GAP43: variants seen among roughly 807,000 people sequenced by gnomAD.
GAP43 encodes growth associated protein 43.
A neutral mutation model predicts 18.6 loss-of-function variants in GAP43; 6 were observed. The observed-to-expected ratio is 0.32, with a 90% CI of 0.18 to 0.64. The LOEUF (loss-of-function observed/expected upper bound fraction) is 0.64. Among genes scored for constraint, GAP43 ranks in the 30% least tolerant of loss-of-function variants. The pLI, the probability that GAP43 is intolerant of heterozygous loss-of-function variation, is 0.78. For synonymous variants in GAP43, 115 were observed against 111.4 expected, an observed-to-expected ratio of 1.03 and a Z score of -0.20; for missense variants, 292 against 295.5, an observed-to-expected ratio of 0.99 and a Z score of 0.09.
At chr3:115,657,547 T>G (rs2107478656) in intron 1 of GAP43, among the ~76,000 whole-genome samples, 1 of 152,250 alleles carries the variant, frequency 6.6e-6, no homozygotes, top group African/African-American at 2.4e-5. Context: ...CCAGATAAGG[T>G]CACTGCCCTT....
chr3:115,720,230 A>C (rs947542044), intron 2 of GAP43, among the ~76,000 whole-genome samples: 2 of 152,142 alleles, frequency 1.3e-5, no homozygotes, highest in African/African-American at 4.8e-5. Context: ...TTTGATGTCC[A>C]AGTGATCAGG....
At chr3:115,632,315 G>A (rs529701008) in intron 1 of GAP43, among the ~76,000 whole-genome samples, 1 of 152,188 alleles carries the variant, frequency 6.6e-6, no homozygotes, top group African/African-American at 2.4e-5. Context: ...CAGTTTGGTT[G>A]GGGGAAGCAC....
Position 115,650,261 on chromosome 3 carries a change from A to G in GAP43, c.31-25752A>G, listed in dbSNP as rs183736237. On this transcript the variant is annotated intron_variant, in intron 1 of 2. Transcript: ENST00000305124. ...CCTTCGCTGGGTGTATTTCTATGGT[A>G]AAGAGTGCAACTCATCCCAGCATAC... is the stretch of plus-strand genomic sequence containing the variant. Among the ~76,000 whole-genome samples, 8 of 152,302 alleles carry G rather than the reference A, an allele frequency of 5.3e-5. No homozygotes were observed. The East Asian group carries it at 1.4e-3, about 26-fold the overall frequency.
At chr3:115,631,719 C>G (rs1477546087) in intron 1 of GAP43, among the ~76,000 whole-genome samples, 1 of 152,130 alleles carries the variant, frequency 6.6e-6, no homozygotes, top group Admixed American at 6.5e-5. Flanking sequence ...CTCCCAGGTT[C>G]AAGCAATTCT....
chr3:115,629,413 T>A (rs565096234), intron 1 of GAP43, among the ~76,000 whole-genome samples: 2 of 151,780 alleles, frequency 1.3e-5, no homozygotes, highest in Admixed American at 1.3e-4. Flanking sequence ...CTGCTCTTTT[T>A]TTTTTTTTTA....
At chr3:115,645,602 A>G (rs1183347522) in intron 1 of GAP43, among the ~76,000 whole-genome samples, 1 of 104,328 alleles carries the variant, frequency 9.6e-6, no homozygotes, top group Non-Finnish European at 2.3e-5. Context: ...AAATACTAGT[A>G]TCTTGGTGGA....
Position 115,643,689 on chromosome 3 carries a change from C to T in GAP43, c.30+19970C>T, listed in dbSNP as rs183227813. On this transcript the variant is annotated intron_variant, in intron 1 of 2. Transcript: ENST00000305124. ...TCTCTCATTACCCTATGTAAAATGG[C>T]ACCCCACCCTAACACTCCTTATCTG... Among the ~76,000 whole-genome samples the T allele has an allele frequency of 4.6e-5, 7 of 152,086 alleles. No homozygotes were observed. The East Asian group carries it at 1.2e-3, about 25-fold the overall frequency.
At chr3:115,711,376 T>C (rs993786055) in intron 2 of GAP43, among the ~76,000 whole-genome samples, 1 of 152,076 alleles carries the variant, frequency 6.6e-6, no homozygotes, top group Non-Finnish European at 1.5e-5. Flanking sequence ...CCACTTGCAA[T>C]CAATTTATGG....
At chr3:115,624,154 A>G (rs949245997) in intron 1 of GAP43, among the ~76,000 whole-genome samples, 6 of 152,178 alleles carry the variant, frequency 3.9e-5, no homozygotes, top group Admixed American at 3.9e-4. Context: ...TCTCTGTCAT[A>G]CAATTTTCTC....
Position 115,716,503 on chromosome 3 carries a change from G to A in GAP43, c.629-4291G>A, listed in dbSNP as rs1709503430. Among the ~76,000 whole-genome samples, 3 of 150,980 alleles carry A rather than the reference G, an allele frequency of 2.0e-5. No individual in the cohort carries two copies. The South Asian group carries it at 6.3e-4, about 32-fold the overall frequency. On this transcript the variant is annotated intron_variant, in intron 2 of 2. Transcript: ENST00000305124. Reference sequence around the variant, plus strand: ...TGAGTTCTTAGTTTATCTCACTTTGGAAGCTGTAATAGATTGTTTCTTTAC... The same window carrying A: ...TGAGTTCTTAGTTTATCTCACTTTGAAAGCTGTAATAGATTGTTTCTTTAC...
intron 1 of GAP43, among the ~76,000 whole-genome samples, chr3:115,625,108 C>T (rs1009587522): frequency 5.3e-5 from 8 of 151,662 alleles, no homozygotes; most frequent in African/African-American, 7.3e-5. Flanking sequence ...TAGCCAGCGC[C>T]CTGGAAGGAA....
At chr3:115,707,361 C>T (rs1709377374) in intron 2 of GAP43, among the ~76,000 whole-genome samples, 2 of 152,190 alleles carry the variant, frequency 1.3e-5, no homozygotes, top group African/African-American at 4.8e-5. Flanking sequence ...AGTGCAGTGG[C>T]TCACTGCAGC....
intron 2 of GAP43, among the ~76,000 whole-genome samples, chr3:115,686,520 C>CT (rs1010742067): frequency 6.6e-6 from 1 of 152,062 alleles, no homozygotes; most frequent in East Asian, 1.9e-4. Flanking sequence ...GGCTTTTCAT[C>CT]TTTTTTTAAA....
At chr3:115,661,452 C>G (rs894801066) in intron 1 of GAP43, among the ~76,000 whole-genome samples, 6 of 152,164 alleles carry the variant, frequency 3.9e-5, no homozygotes, top group African/African-American at 1.4e-4. Context: ...GTCAAGCCCA[C>G]CGGGCTTTGA....
chr3:115,676,619 C>A lies in GAP43; in HGVS notation c.628+9C>A. 6.4e-7 allele frequency: 1 copy of A among 1,563,160 alleles called. No homozygotes were observed. Among genetic ancestry groups the A allele is most frequent in the South Asian group, 1.2e-5 (1 of 84,570 alleles). ...AGCTGAAGAGAACATAGGTGAGCAACCGCGAGGGTCAGATGCAATGGGTGG... is the reference window on the plus strand; with the variant it reads ...AGCTGAAGAGAACATAGGTGAGCAAACGCGAGGGTCAGATGCAATGGGTGG... On this transcript the variant is annotated intron_variant, in intron 2 of 2. Transcript: ENST00000305124.
chr3:115,643,496 C>G (rs1204848035), intron 1 of GAP43, among the ~76,000 whole-genome samples: 1 of 152,058 alleles, frequency 6.6e-6, no homozygotes, highest in African/African-American at 2.4e-5. Flanking sequence ...AGTCAGAAAT[C>G]AGGAGCAAGC....
rs145277756 is a variant in GAP43 at position 115,678,767 on chromosome 3, A to G, written c.628+2157A>G. Among the ~76,000 whole-genome samples, 293 of 152,178 alleles carry G rather than the reference A, an allele frequency of 1.9e-3. 2 individuals carry two copies. The highest frequency in any genetic ancestry group is 6.8e-3 in the African/African-American group (282 of 41,520). On this transcript the variant is annotated intron_variant, in intron 2 of 2. Transcript: ENST00000305124. Reference sequence around the variant, plus strand: ...TGGGCATTCAAAGGTGATTGAAACAATAGGTGAAGTTCAACTTGAAGGTAA... The same window carrying G: ...TGGGCATTCAAAGGTGATTGAAACAGTAGGTGAAGTTCAACTTGAAGGTAA...
At chr3:115,687,688 C>G (rs1680289380) in intron 2 of GAP43, among the ~76,000 whole-genome samples, 1 of 152,122 alleles carries the variant, frequency 6.6e-6, no homozygotes, top group Non-Finnish European at 1.5e-5. Context: ...GATTGGGGTC[C>G]TATCTCGCAA....
intron 2 of GAP43, among the ~76,000 whole-genome samples, chr3:115,693,829 C>T (rs1709147430): frequency 6.6e-6 from 1 of 152,092 alleles, no homozygotes. Flanking sequence ...TTGAAATGAT[C>T]CTTTCCTGCT....
Sources: allele counts gnomAD v4.1 joint callset (sites outside exome capture counted in the v4.1 genomes callset), GRCh38; gene constraint gnomAD v4.1.1; transcripts MANE v1.5; gene names NCBI Gene and HGNC (gene_info 2026-07-23, HGNC 2026-07-21).